Variants in CBL observed in about 807,000 individuals in gnomAD.
The protein encoded by CBL is Cbl proto-oncogene.
In CBL, 45 loss-of-function variants were observed where a neutral mutation model predicts 96.9. The ratio of observed to expected loss-of-function variants is 0.46; its 90% confidence interval spans 0.37 to 0.60. CBL has a LOEUF of 0.60. CBL is among the 20% of genes least tolerant of loss of function. The pLI is 0.00. For synonymous variants in CBL, 420 were observed against 426.8 expected, an observed-to-expected ratio of 0.98 and a Z score of 0.20; for missense variants, 1,024 against 1,143.5, an observed-to-expected ratio of 0.90 and a Z score of 1.51.
At chr11:119,243,207 G>A (rs1224061276) in intron 2 of CBL, among the ~76,000 whole-genome samples, 1 of 152,138 alleles carries the variant, frequency 6.6e-6, no homozygotes, top group Non-Finnish European at 1.5e-5. Flanking sequence ...GAATCCAGGA[G>A]GTGGAAGTTG....
chr11:119,292,614 G>A (rs767201627), intron 12 of CBL, among the ~76,000 whole-genome samples: 46 of 152,040 alleles, frequency 3.0e-4, no homozygotes, highest in Non-Finnish European at 4.6e-4. Flanking sequence ...AGTAGAGACG[G>A]GGTTTCACCA....
In CBL at chr11:119,304,261, C is replaced by T. The variant is rs1033265664; in HGVS notation, c.*4480C>T. ...CTCCTTTGAACTCAGTCTCCATGAG[C>T]AGTGTTTTGTTGGAAATACATAGAA... is the stretch of plus-strand genomic sequence containing the variant. On this transcript the variant is annotated 3_prime_UTR_variant, in exon 16 of 16. Coordinates refer to ENST00000264033, the MANE Select transcript of CBL (RefSeq NM_005188.4). 4.3e-6 allele frequency: 1 copy of T among 233,146 alleles called. No homozygotes were observed. Among genetic ancestry groups the T allele is most frequent in the Admixed American group, 5.6e-5 (1 of 17,784 alleles). The allele number at this position is 233,146 out of a possible 1,614,324, so 14.4% of individuals were successfully genotyped here. A position where few individuals can be genotyped will look rare whatever the true frequency, so the allele number is the denominator to read the frequency against.
chr11:119,248,424 A>G (rs1245632328), intron 2 of CBL, among the ~76,000 whole-genome samples: 4 of 152,260 alleles, frequency 2.6e-5, no homozygotes, highest in South Asian at 2.1e-4. Context: ...ATTCAAAAGA[A>G]TGAAGTTGGA....
Position 119,303,336 on chromosome 11 carries a change from CTG to C in CBL, c.*3556_*3557del, listed in dbSNP as rs1950114157. On this transcript the variant is annotated 3_prime_UTR_variant, in exon 16 of 16. Transcript: ENST00000264033. The stretch of plus-strand genomic sequence containing the variant: ...CCACTGTTCATTGAAAAATAGTTTT[CTG>C]ACTATTGGTCTGGCTCTAACAGTTT... The C allele has an allele frequency of 4.3e-6, 1 of 233,298 alleles. No individual in the cohort carries two copies. Among genetic ancestry groups the C allele is most frequent in the African/African-American group, 2.2e-5 (1 of 45,354 alleles). The allele number at this position is 233,298 out of a possible 1,614,324, so 14.5% of individuals were successfully genotyped here.
chr11:119,212,471 C>T (rs1316438442), intron 1 of CBL, among the ~76,000 whole-genome samples: 3 of 150,366 alleles, frequency 2.0e-5, no homozygotes, highest in Non-Finnish European at 4.4e-5. Flanking sequence ...ACTAAAAATA[C>T]AAAAATTAGC....
intron 1 of CBL, among the ~76,000 whole-genome samples, chr11:119,216,339 A>AATTTATTTATTT (rs113078166): frequency 9.3e-4 from 134 of 144,114 alleles, no homozygotes; most frequent in East Asian, 4.5e-3. Flanking sequence ...GACTTATTGT[A>AATTTATTTATTT]ATTTATTTAT....
At chr11:119,219,351 C>G (rs1164512647) in intron 1 of CBL, among the ~76,000 whole-genome samples, 1 of 149,486 alleles carries the variant, frequency 6.7e-6, no homozygotes, top group Non-Finnish European at 1.5e-5. Flanking sequence ...GCACTCCAGC[C>G]TGGGCACAGA....
chr11:119,263,697 TAAG>T (rs1475335414), intron 2 of CBL, among the ~76,000 whole-genome samples: 4 of 152,242 alleles, frequency 2.6e-5, no homozygotes, highest in African/African-American at 9.6e-5. Flanking sequence ...AAGTCGATGA[TAAG>T]AGTTAAACAG....
chr11:119,240,433 ATTAC>A (rs1379708199), intron 2 of CBL, among the ~76,000 whole-genome samples: 1 of 152,212 alleles, frequency 6.6e-6, no homozygotes, highest in Non-Finnish European at 1.5e-5. Context: ...TTCTTCTGGT[ATTAC>A]TTCCATACTC....
chr11:119,261,320 T>G (rs1314610807), intron 2 of CBL, among the ~76,000 whole-genome samples: 1 of 152,242 alleles, frequency 6.6e-6, no homozygotes, highest in African/African-American at 2.4e-5. Flanking sequence ...TCTCAAGTTT[T>G]GCAAAGCTTA....
Position 119,299,872 on chromosome 11 carries a change from A to T in CBL, c.*91A>T. The T allele has an allele frequency of 7.9e-7, 1 of 1,265,424 alleles. No individual in the cohort carries two copies. The highest frequency in any genetic ancestry group is 1.1e-6 in the Non-Finnish European group (1 of 873,570). The allele number at this position is 1,265,424 out of a possible 1,614,324, so 78.4% of individuals were successfully genotyped here. A position where few individuals can be genotyped will look rare whatever the true frequency, so the allele number is the denominator to read the frequency against. On this transcript the variant is annotated 3_prime_UTR_variant, in exon 16 of 16. Coordinates refer to ENST00000264033, the MANE Select transcript of CBL (RefSeq NM_005188.4). ...TAGAAGGGCAGGAGTTCCTTTGGTG[A>T]CTTCACAGTGAAGTCTTGCCCTCTC... is the stretch of plus-strand genomic sequence containing the variant.
chr11:119,297,673 G>C (rs974543606), intron 14 of CBL, among the ~76,000 whole-genome samples, 192 bp downstream of exon 14: 5 of 152,156 alleles, frequency 3.3e-5, no homozygotes, highest in South Asian at 2.1e-4. Flanking sequence ...GGCCAGGCTG[G>C]CCTTGAACTC....
intron 2 of CBL, among the ~76,000 whole-genome samples, chr11:119,236,316 G>T (rs1949545695): frequency 6.6e-6 from 1 of 151,890 alleles, no homozygotes; most frequent in African/African-American, 2.4e-5. Context: ...GTGTTAAGTG[G>T]AATCACATAA....
intron 14 of CBL, 148 bp from the exon 15 acceptor site, chr11:119,298,210 C>G: frequency 2.7e-6 from 2 of 749,942 alleles, no homozygotes; most frequent in Admixed American, 4.0e-5. Context: ...TCTCTGTTTA[C>G]ATGGTGTTTG....
chr11:119,244,581 A>ATTTTTTTTTTTT lies in CBL; in HGVS notation c.443+11893_443+11904dup, dbSNP rs532837579. 5.9e-4 allele frequency among the ~76,000 whole-genome samples: 62 copies of ATTTTTTTTTTTT among 104,370 alleles called. 3 individuals are homozygous for ATTTTTTTTTTTT. The highest frequency in any genetic ancestry group is 1.9e-3 in the African/African-American group (46 of 24,346). The allele number at this position is 104,370 out of a possible 152,430, so 68.5% of individuals were successfully genotyped here. ...AGGTGCATGCTACCATGCCCGGCTA[A>ATTTTTTTTTTTT]TTTTTTTTTTTTTTTTTTGAGACGG... On this transcript the variant is annotated intron_variant, in intron 2 of 15. Transcript: ENST00000264033.
chr11:119,231,427 A>AGG, intron 1 of CBL, among the ~76,000 whole-genome samples: 1 of 151,048 alleles, frequency 6.6e-6, no homozygotes, highest in Non-Finnish European at 1.5e-5. Context: ...AAACAAACAA[A>AGG]GGGCCTGTAA....
intron 1 of CBL, among the ~76,000 whole-genome samples, chr11:119,213,171 C>G (rs1949332063): frequency 6.6e-6 from 1 of 151,970 alleles, no homozygotes. Context: ...CCTGCCTTAC[C>G]CTATCCACCT....
chr11:119,278,052 A>C (rs1414763346), intron 7 of CBL, 114 bp from the exon 8 acceptor site: 1 of 995,650 alleles, frequency 1.0e-6, no homozygotes, highest in Non-Finnish European at 1.5e-6. Context: ...CACTGTTGTG[A>C]CATTTTTATA....
chr11:119,222,512 A>G (rs1408882075), intron 1 of CBL, among the ~76,000 whole-genome samples: 1 of 152,222 alleles, frequency 6.6e-6, no homozygotes, highest in Admixed American at 6.6e-5. Context: ...TCTTTTTAAC[A>G]TTGTTCTGAG....
Sources: gnomAD v4.1 joint callset for allele counts (sites outside exome capture counted in the v4.1 genomes callset) on GRCh38, gnomAD v4.1.1 for gene constraint, MANE v1.5 for transcripts, NCBI Gene and HGNC (gene_info 2026-07-23, HGNC 2026-07-21) for gene names.